The following BCL7B variants were observed in gnomAD, a reference collection of about 807,000 sequenced individuals.
BCL7B encodes the protein BAF chromatin remodeling complex subunit BCL7B.
A neutral mutation model predicts 26.5 loss-of-function variants in BCL7B; 11 were observed. That is an observed-to-expected ratio of 0.42 (90% CI 0.26 to 0.69). The LOEUF (loss-of-function observed/expected upper bound fraction) is 0.69, where lower values mean the gene tolerates loss of function less well. BCL7B is among the 30% of genes least tolerant of loss of function. The pLI is 0.28. For missense variants in BCL7B, 215 were observed against 264.4 expected (o/e 0.81, Z 1.30); for synonymous variants, 111 against 107.9 (o/e 1.03, Z -0.18).
At chr7:73,550,633 ATTT>A (rs1554584007) in intron 2 of BCL7B, among the ~76,000 whole-genome samples, 1 of 42,244 alleles carries the variant, frequency 2.4e-5, no homozygotes. Flanking sequence ...TACTGTACAT[ATTT>A]TTTTTTTGTT....
At chr7:73,556,301 G>A (rs1187290182) in intron 1 of BCL7B, among the ~76,000 whole-genome samples, 4 of 152,150 alleles carry the variant, frequency 2.6e-5, no homozygotes, top group Non-Finnish European at 5.9e-5. Flanking sequence ...AGGGATGGGA[G>A]GAGTTAAGGA....
intron 2 of BCL7B, among the ~76,000 whole-genome samples, chr7:73,547,093 G>A (rs980532725): frequency 3.9e-5 from 6 of 151,998 alleles, no homozygotes; most frequent in African/African-American, 9.7e-5. Flanking sequence ...TGGAGGTTGC[G>A]GTGAGCTGAG....
At chr7:73,539,467 G>A (rs1791669075) in intron 4 of BCL7B, among the ~76,000 whole-genome samples, 2 of 151,670 alleles carry the variant, frequency 1.3e-5, no homozygotes, top group South Asian at 4.2e-4. Context: ...GGTCAGGCTG[G>A]TCTTGAACTC....
At position 73,537,159 on chromosome 7, in the gene BCL7B, C is replaced by T. The variant is rs536648176; in HGVS notation, c.*139G>A. 34 of 727,440 alleles carry T rather than the reference C, an allele frequency of 4.7e-5. No homozygotes were observed. Among genetic ancestry groups the T allele is most frequent in the South Asian group, 3.2e-4 (18 of 56,312 alleles). The allele number at this position is 727,440 out of a possible 1,614,324, so 45.1% of individuals were successfully genotyped here. A position where few individuals can be genotyped will look rare whatever the true frequency, so the allele number is the denominator to read the frequency against. The stretch of plus-strand genomic sequence containing the variant: ...GATGATGCTACAGCCCCAAGTCCTA[C>T]GCCAGCCTTCCAGCCCGGAAGGCTC... On this transcript the variant is annotated 3_prime_UTR_variant, in exon 6 of 6. Transcript: ENST00000223368.
intron 4 of BCL7B, among the ~76,000 whole-genome samples, chr7:73,539,038 C>T (rs1432234554): frequency 1.3e-5 from 2 of 152,114 alleles, no homozygotes; most frequent in African/African-American, 4.8e-5. Context: ...TGGCTCACTG[C>T]AACCTCTGCC....
At chr7:73,547,044 C>T (rs1369240001) in intron 2 of BCL7B, among the ~76,000 whole-genome samples, 1 of 152,090 alleles carries the variant, frequency 6.6e-6, no homozygotes, top group Non-Finnish European at 1.5e-5. Context: ...AAGCGCTACT[C>T]GCGAGGCTGA....
At chr7:73,540,221 G>A (rs115585245) in intron 3 of BCL7B, 169 bp from the exon 4 acceptor site, 4 of 676,156 alleles carry the variant, frequency 5.9e-6, no homozygotes, top group African/African-American at 5.4e-5. Flanking sequence ...ACCAGAGGCA[G>A]CCAGAATCTT....
At position 73,540,067 on chromosome 7, in the gene BCL7B, G is replaced by C; in HGVS notation, c.266-15C>G. On this transcript the variant is annotated splice_polypyrimidine_tract_variant and intron_variant, in intron 3 of 5. Transcript: ENST00000223368. Reference sequence around the variant, plus strand: ...GCTGTTTTCGTCTGAAAACCAAACAGAACAAAGGCAGCAGCTGAGCGTGGT... The same window carrying C: ...GCTGTTTTCGTCTGAAAACCAAACACAACAAAGGCAGCAGCTGAGCGTGGT... 1 of 1,611,336 alleles carries C rather than the reference G, an allele frequency of 6.2e-7. No homozygotes were observed. Among genetic ancestry groups the C allele is most frequent in the Non-Finnish European group, 8.5e-7 (1 of 1,178,858 alleles).
chr7:73,549,684 G>A (rs1480154148), intron 2 of BCL7B, among the ~76,000 whole-genome samples: 1 of 152,194 alleles, frequency 6.6e-6, no homozygotes, highest in Non-Finnish European at 1.5e-5. Context: ...AAAAAAATTA[G>A]CTGGGCATGA....
chr7:73,552,610 C>T (rs576450569), intron 1 of BCL7B, among the ~76,000 whole-genome samples: 4 of 151,620 alleles, frequency 2.6e-5, no homozygotes, highest in South Asian at 2.1e-4. Context: ...GAAACTCTGT[C>T]GCTACAAAAA....
At chr7:73,554,383 A>G (rs1343160880) in intron 1 of BCL7B, among the ~76,000 whole-genome samples, 8 of 152,122 alleles carry the variant, frequency 5.3e-5, no homozygotes, top group African/African-American at 1.9e-4. Context: ...GGTCAAATGC[A>G]GGGAACTGCT....
rs1792429965 is a variant in BCL7B at position 73,557,646 on chromosome 7, G to GCCGCCGCCCGC, written c.-79_-69dup. On this transcript the variant is annotated 5_prime_UTR_variant, in exon 1 of 6. Coordinates refer to ENST00000223368, the MANE Select transcript of BCL7B (RefSeq NM_001707.4). Reference sequence around the variant, plus strand: ...ACACCGGGGATCGCGCGCCTCACGCGCCGCCGCCCGCCCGCCGCCGCCGCA... The same window carrying GCCGCCGCCCGC: ...ACACCGGGGATCGCGCGCCTCACGCGCCGCCGCCCGCCCGCCGCCCGCCCGCCGCCGCCGCA... The GCCGCCGCCCGC allele has an allele frequency of 2.1e-6, 2 of 954,614 alleles. No individual in the cohort carries two copies. Among genetic ancestry groups the GCCGCCGCCCGC allele is most frequent in the African/African-American group, 1.8e-5 (1 of 56,856 alleles). The allele number at this position is 954,614 out of a possible 1,614,324, so 59.1% of individuals were successfully genotyped here.
At position 73,557,360 on chromosome 7, in the gene BCL7B, T is replaced by G. The variant is rs188919105; in HGVS notation, c.92+127A>C. On this transcript the variant is annotated intron_variant, in intron 1 of 5. Transcript: ENST00000223368. ...CACGCCGACGCCAGCGGCGCCCTCC[T>G]CCCGCCTTCTCCCGCACCCCCCTCC... The G allele has an allele frequency of 3.6e-4, 428 of 1,175,528 alleles. 11 individuals carry two copies. In the East Asian group the frequency reaches 0.016, roughly 43 times the overall value. 72.8% of individuals were successfully genotyped at this position (1,175,528 alleles called of 1,614,324 possible). A position where few individuals can be genotyped will look rare whatever the true frequency, so the allele number is the denominator to read the frequency against.
chr7:73,546,935 C>T lies in BCL7B; in HGVS notation c.169-3291G>A, dbSNP rs1272230138. On this transcript the variant is annotated intron_variant, in intron 2 of 5. Transcript: ENST00000223368. ...ATCCCAGCACTTTGGGAGGCCAAGG[C>T]GGGCGGATCACCTAAGGTCAGGAGT... Among the ~76,000 whole-genome samples, 10 of 151,940 alleles carry T rather than the reference C, an allele frequency of 6.6e-5. No homozygotes were observed. In the South Asian group the frequency reaches 1.5e-3, roughly 22 times the overall value.
chr7:73,540,118 C>A, intron 3 of BCL7B, 66 bp from the exon 4 acceptor site: 2 of 1,542,202 alleles, frequency 1.3e-6, no homozygotes, highest in Non-Finnish European at 1.8e-6. Flanking sequence ...GAACTCTGGA[C>A]AGAGCCAAGG....
chr7:73,541,672 G>A (rs1171264021), intron 3 of BCL7B, among the ~76,000 whole-genome samples: 2 of 152,018 alleles, frequency 1.3e-5, no homozygotes, highest in East Asian at 3.9e-4. Context: ...TCACCATGTT[G>A]GTCAGGCTGG....
intron 1 of BCL7B, among the ~76,000 whole-genome samples, chr7:73,552,576 C>T (rs1554584286): frequency 6.6e-6 from 1 of 151,774 alleles, no homozygotes; most frequent in African/African-American, 2.4e-5. Flanking sequence ...GTCAGGAGTT[C>T]GAGACCATCC....
intron 1 of BCL7B, chr7:73,557,035 A>G: frequency 1.0e-6 from 1 of 987,296 alleles, no homozygotes; most frequent in Non-Finnish European, 1.2e-6. Context: ...TAACCCAGAA[A>G]CTCACCCAAC....
In BCL7B at chr7:73,538,059, C is replaced by A. The variant is rs201386444; in HGVS notation, c.437-46G>T. ...GCCTGAGGGCAGGGCTCCCCTGAGG[C>A]CTGGACCTGGGGGAGCTTCCTTAGA... On this transcript the variant is annotated intron_variant, in intron 4 of 5. Transcript: ENST00000223368. 14 of 1,351,668 alleles carry A rather than the reference C, an allele frequency of 1.0e-5. No individual in the cohort carries two copies. The African/African-American group carries it at 2.1e-4, about 20-fold the overall frequency. 83.7% of individuals were successfully genotyped at this position (1,351,668 alleles called of 1,614,324 possible). A position where few individuals can be genotyped will look rare whatever the true frequency, so the allele number is the denominator to read the frequency against.
Sources: allele counts gnomAD v4.1 joint callset (sites outside exome capture counted in the v4.1 genomes callset), GRCh38; gene constraint gnomAD v4.1.1; transcripts MANE v1.5; gene names NCBI Gene and HGNC (gene_info 2026-07-23, HGNC 2026-07-21).